Variants in LRP1B observed in about 807,000 individuals in gnomAD.
LRP1B encodes LDL receptor related protein 1B, also known as low-density lipoprotein receptor-related protein 1B.
LRP1B carries 217 observed loss-of-function variants against 556.6 expected under a neutral mutation model. That is an observed-to-expected ratio of 0.39 (90% CI 0.35 to 0.44). The LOEUF (loss-of-function observed/expected upper bound fraction) is 0.44. LRP1B is among the 20% of genes least tolerant of loss of function. LRP1B has a pLI of 1.00. For synonymous variants in LRP1B, 2,047 were observed against 1,865.8 expected (o/e 1.10, Z -2.50); for missense variants, 5,053 against 5,620.8 (o/e 0.90, Z 3.23).
At chr2:141,957,155 C>T (rs931751445) in intron 1 of LRP1B, among the ~76,000 whole-genome samples, 1 of 151,864 alleles carries the variant, frequency 6.6e-6, no homozygotes, top group African/African-American at 2.4e-5. Context: ...ATACTTTTCA[C>T]TTTTTCTTGC....
At chr2:140,295,061 AGAGAC>A (rs964815220) in intron 84 of LRP1B, among the ~76,000 whole-genome samples, 1 of 151,510 alleles carries the variant, frequency 6.6e-6, no homozygotes, top group African/African-American at 2.4e-5. Context: ...TATTTTTAGT[AGAGAC>A]GGCGTTTCAC....
intron 10 of LRP1B, among the ~76,000 whole-genome samples, chr2:141,053,644 T>C (rs939352576): frequency 2.6e-5 from 4 of 152,128 alleles, no homozygotes; most frequent in Middle Eastern, 3.4e-3. Context: ...TTTTAAATGA[T>C]TTTGTAGGCA....
At chr2:142,074,003 G>A (rs75884216) in intron 1 of LRP1B, among the ~76,000 whole-genome samples, 1,704 of 151,978 alleles carry the variant, frequency 0.011, 38 homozygotes, top group African/African-American at 0.039. Context: ...TAATTTTCCA[G>A]TCTCAGGTAT....
At chr2:140,707,763 A>G (rs1686890356) in intron 37 of LRP1B, among the ~76,000 whole-genome samples, 1 of 152,066 alleles carries the variant, frequency 6.6e-6, no homozygotes, top group Non-Finnish European at 1.5e-5. Context: ...TTTGTCTGAG[A>G]AAGTATTACA....
At chr2:140,926,841 A>G (rs887475750) in intron 20 of LRP1B, among the ~76,000 whole-genome samples, 8 of 152,094 alleles carry the variant, frequency 5.3e-5, no homozygotes, top group African/African-American at 1.9e-4. Context: ...GGTCTTCAAG[A>G]GGAATGCCAA....
At chr2:141,550,693 T>G (rs1421074330) in intron 2 of LRP1B, among the ~76,000 whole-genome samples, 1 of 152,134 alleles carries the variant, frequency 6.6e-6, no homozygotes, top group African/African-American at 2.4e-5. Context: ...GCTTTCTAAT[T>G]TTTTTCTAAG....
intron 2 of LRP1B, among the ~76,000 whole-genome samples, chr2:141,748,101 G>A (rs1208760336): frequency 6.6e-6 from 1 of 152,144 alleles, no homozygotes; most frequent in Non-Finnish European, 1.5e-5. Flanking sequence ...TTACACCAAA[G>A]CTAATTTATA....
At position 140,771,017 on chromosome 2, in the gene LRP1B, T is replaced by C; in HGVS notation, c.5501-11A>G. The C allele has an allele frequency of 1.3e-6, 2 of 1,555,400 alleles. No individual in the cohort carries two copies. Among genetic ancestry groups the C allele is most frequent in the African/African-American group, 2.8e-5 (2 of 71,016 alleles). On this transcript the variant is annotated splice_polypyrimidine_tract_variant and intron_variant, in intron 33 of 90. Transcript: ENST00000389484. ...GGCAGGAATTGCTGCCTGCATAGAA[T>C]GAAAATGAAACAAATTTCTTTAATG...
chr2:140,964,230 T>C (rs551724517), intron 18 of LRP1B, among the ~76,000 whole-genome samples: 2 of 152,124 alleles, frequency 1.3e-5, no homozygotes, highest in African/African-American at 4.8e-5. Context: ...ACTACTGCTA[T>C]CTGGAAGGCA....
At chr2:140,680,791 C>T (rs950060670) in intron 41 of LRP1B, among the ~76,000 whole-genome samples, 9 of 152,234 alleles carry the variant, frequency 5.9e-5, no homozygotes, top group African/African-American at 1.7e-4. Context: ...GGTCTCATCA[C>T]AAAATGAGTA....
At chr2:140,480,475 C>G (rs1272854013) in intron 59 of LRP1B, among the ~76,000 whole-genome samples, 1 of 151,496 alleles carries the variant, frequency 6.6e-6, no homozygotes, top group Middle Eastern at 3.2e-3. Context: ...TTTTTTCACT[C>G]TGTTGCCCAG....
intron 27 of LRP1B, among the ~76,000 whole-genome samples, chr2:140,854,494 T>A (rs1320797126): frequency 1.3e-5 from 2 of 152,188 alleles, no homozygotes; most frequent in African/African-American, 4.8e-5. Flanking sequence ...TTCAAGGATT[T>A]AACAATATTA....
intron 11 of LRP1B, 98 bp downstream of exon 11, chr2:141,048,888 T>G: frequency 2.9e-5 from 26 of 896,538 alleles, no homozygotes; most frequent in Non-Finnish European, 4.7e-5. Context: ...CAGAAGAACT[T>G]GAGTTCTGGT....
chr2:140,258,647 T>C (rs1681801257), intron 86 of LRP1B, among the ~76,000 whole-genome samples: 1 of 152,162 alleles, frequency 6.6e-6, no homozygotes, highest in South Asian at 2.1e-4. Flanking sequence ...TTGAAGACAA[T>C]ATTCTGTGTT....
intron 17 of LRP1B, among the ~76,000 whole-genome samples, chr2:140,986,974 T>C (rs1696945865): frequency 6.6e-6 from 1 of 152,180 alleles, no homozygotes; most frequent in South Asian, 2.1e-4. Context: ...AGTCTTTTTA[T>C]CTAGCATATA....
intron 68 of LRP1B, among the ~76,000 whole-genome samples, chr2:140,373,723 G>C (rs186450290): frequency 7.9e-4 from 121 of 152,260 alleles, no homozygotes; most frequent in Non-Finnish European, 4.7e-4. Context: ...AGTGCGCGAT[G>C]ATGGGCACAC....
chr2:140,656,742 G>A (rs1279178163), intron 41 of LRP1B, among the ~76,000 whole-genome samples: 1 of 151,962 alleles, frequency 6.6e-6, no homozygotes, highest in African/African-American at 2.4e-5. Flanking sequence ...TCACTTTCAG[G>A]GAATTTTCAA....
Position 140,371,190 on chromosome 2 carries a change from C to G in LRP1B, c.10864G>C (p.Gly3622Arg), listed in dbSNP as rs1291161773. 2 of 1,584,462 alleles carry G rather than the reference C, an allele frequency of 1.3e-6. No homozygotes were observed. Among genetic ancestry groups the G allele is most frequent in the Non-Finnish European group, 1.7e-6 (2 of 1,164,172 alleles). Reference protein sequence around the residue: ...KCNGEYDCADGSDEMDCVTEC... With the variant: ...KCNGEYDCADRSDEMDCVTEC... ...ACAATATATTTTACCTCATCTGAAC[C>G]ATCAGCACAATCATATTCTCCATTA... is the stretch of plus-strand genomic sequence containing the variant. The change falls in exon 70 of 91, where the codon GGT becomes CGT. Residue 3622 changes from glycine to arginine, a missense_variant. Gly to Arg is a moderately radical substitution (Grantham distance 125). This residue lies in a region of LRP1B where 599 missense variants were observed against 648.4 expected (regional missense o/e 0.92). Transcript: ENST00000389484.
rs181966004 is a variant in LRP1B at position 142,109,049 on chromosome 2, C to T, written c.82+21599G>A. Among the ~76,000 whole-genome samples the T allele has an allele frequency of 1.4e-3, 206 of 152,278 alleles. 1 individual carries two copies. The highest frequency in any genetic ancestry group is 4.7e-3 in the African/African-American group (196 of 41,564). ...CTTATTATTTCAGGACCATTGGTCA[C>T]AGGAATTATGCTTATCCAAGAACTT... is the stretch of plus-strand genomic sequence containing the variant. On this transcript the variant is annotated intron_variant, in intron 1 of 90. Transcript: ENST00000389484.
Sources: allele counts gnomAD v4.1 joint callset (sites outside exome capture counted in the v4.1 genomes callset), GRCh38; gene constraint gnomAD v4.1.1; regional missense constraint gnomAD v4.1.1; transcripts MANE v1.5; gene names NCBI Gene and HGNC (gene_info 2026-07-23, HGNC 2026-07-21).